CTBP2: variants seen among roughly 807,000 people sequenced by gnomAD.
The protein encoded by CTBP2 is C-terminal-binding protein 2.
In CTBP2, 30 loss-of-function variants were observed where a neutral mutation model predicts 80.3. The ratio of observed to expected loss-of-function variants is 0.37; its 90% CI spans 0.28 to 0.51. The LOEUF is 0.51. Ranked by LOEUF, CTBP2 falls within the 20% of genes least tolerant of loss-of-function variation. CTBP2 has a pLI of 0.93. For synonymous variants in CTBP2, 594 were observed against 587.4 expected (o/e 1.01, Z -0.16); for missense variants, 1,212 against 1,375.3 (o/e 0.88, Z 1.88).
At chr10:125,138,149 T>C (rs1228509329) in intron 1 of CTBP2, 3 of 152,192 alleles carry the variant, frequency 2.0e-5, no homozygotes, top group Admixed American at 2.0e-4. Context: ...AGGTTGCTGA[T>C]AGGTCCCGGT....
At chr10:125,089,011 G>A (rs1284868678) in intron 2 of CTBP2, among the ~76,000 whole-genome samples, 1 of 152,176 alleles carries the variant, frequency 6.6e-6, no homozygotes, top group African/African-American at 2.4e-5. Flanking sequence ...AAATTCGGTT[G>A]CGAAGATATA....
intron 2 of CTBP2, among the ~76,000 whole-genome samples, chr10:125,042,961 A>C (rs1229339874): frequency 1.3e-5 from 2 of 152,194 alleles, no homozygotes; most frequent in East Asian, 1.9e-4. Context: ...AAGATCAGAA[A>C]CGTGGACCTT....
At chr10:125,158,214 A>G (rs1485252818) in intron 1 of CTBP2, among the ~76,000 whole-genome samples, 1 of 152,168 alleles carries the variant, frequency 6.6e-6, no homozygotes, top group Non-Finnish European at 1.5e-5. Flanking sequence ...CATGAAAACT[A>G]CCCACTTCTA....
chr10:125,101,011 A>G (rs1227728821), intron 2 of CTBP2, among the ~76,000 whole-genome samples: 1 of 152,226 alleles, frequency 6.6e-6, no homozygotes, highest in African/African-American at 2.4e-5. Context: ...GTAATGTGAT[A>G]TTACATCATT....
intron 1 of CTBP2, among the ~76,000 whole-genome samples, chr10:125,149,323 G>A (rs1381954168): frequency 6.6e-6 from 1 of 152,216 alleles, no homozygotes; most frequent in Non-Finnish European, 1.5e-5. Context: ...AAAGGAGAGG[G>A]CTGGCCCAGG....
upstream of CTBP2, among the ~76,000 whole-genome samples, chr10:125,032,589 G>A (rs867694756): frequency 1.8e-4 from 27 of 152,222 alleles, no homozygotes; most frequent in African/African-American, 6.5e-4. Flanking sequence ...TGTGCCTGTA[G>A]AGACAGGCCA....
At chr10:125,051,565 AG>A (rs970770621) in intron 2 of CTBP2, among the ~76,000 whole-genome samples, 16 of 151,968 alleles carry the variant, frequency 1.1e-4, no homozygotes, top group African/African-American at 3.9e-4. Context: ...GCTTGAACCC[AG>A]GGGACAGAGC....
chr10:125,078,246 C>T (rs922109346), intron 2 of CTBP2, among the ~76,000 whole-genome samples: 1 of 148,492 alleles, frequency 6.7e-6, no homozygotes, highest in Non-Finnish European at 1.5e-5. Flanking sequence ...CGCCTCTGCA[C>T]TCCAGCCTGG....
chr10:125,108,376 C>T (rs1161683857), intron 2 of CTBP2, among the ~76,000 whole-genome samples: 1 of 152,240 alleles, frequency 6.6e-6, no homozygotes, highest in African/African-American at 2.4e-5. Flanking sequence ...TAGGGCCTCA[C>T]GGATTCACCA....
chr10:125,008,481 G>C (rs1208013321), intron 1 of CTBP2, among the ~76,000 whole-genome samples: 5 of 152,266 alleles, frequency 3.3e-5, no homozygotes, highest in African/African-American at 1.2e-4. Flanking sequence ...CAGAGTCACA[G>C]TAGTGGCCTT....
intron 6 of CTBP2, 69 bp from the exon 9 acceptor site, chr10:124,993,398 AG>A: frequency 6.5e-7 from 1 of 1,536,288 alleles, no homozygotes; most frequent in Non-Finnish European, 8.9e-7. Flanking sequence ...CCTCAGCACA[AG>A]GGAGCTCTTG....
At chr10:125,031,938 T>C (rs1470787304), upstream of CTBP2, among the ~76,000 whole-genome samples, 5 of 152,152 alleles carry the variant, frequency 3.3e-5, no homozygotes, top group African/African-American at 1.2e-4. Flanking sequence ...TATTTAGCCA[T>C]GGTAAGTGAA....
At chr10:125,114,495 T>C (rs1179600272) in intron 1 of CTBP2, among the ~76,000 whole-genome samples, 3 of 152,088 alleles carry the variant, frequency 2.0e-5, no homozygotes, top group African/African-American at 7.2e-5. Flanking sequence ...CAACTGAGGC[T>C]GCAGTACCTA....
chr10:125,066,823 C>A lies in CTBP2; in HGVS notation c.-101-27668G>T, dbSNP rs1328064523. ...TAGCCCATGTGTCGATCAGTAAATG[C>A]CTCAGGGTGAACTCGAGAATCCAGA... On this transcript the variant is annotated intron_variant, in intron 2 of 10. Coordinates refer to the CTBP2 transcript ENST00000337195. The surrounding 1 kb of genome is among the most constrained non-coding windows in gnomAD (Gnocchi z 4.1). 2.0e-5 allele frequency among the ~76,000 whole-genome samples: 3 copies of A among 152,174 alleles called. No homozygotes were observed. In the East Asian group the frequency reaches 5.8e-4, roughly 29 times the overall value.
At chr10:125,138,704 C>T (rs963719141) in intron 1 of CTBP2, among the ~76,000 whole-genome samples, 1 of 151,842 alleles carries the variant, frequency 6.6e-6, no homozygotes, top group Non-Finnish European at 1.5e-5. Context: ...AACCACTACC[C>T]GAATAAATGT....
At chr10:124,998,199 T>C in intron 3 of CTBP2, 29 bp from the exon 6 acceptor site, 2 of 1,575,944 alleles carry the variant, frequency 1.3e-6, no homozygotes, top group South Asian at 1.2e-5. Flanking sequence ...AGGCCGGAGA[T>C]GAGAAAACCT....
At chr10:125,012,196 C>G (rs1956003363) in intron 1 of CTBP2, among the ~76,000 whole-genome samples, 1 of 152,238 alleles carries the variant, frequency 6.6e-6, no homozygotes, top group African/African-American at 2.4e-5. Flanking sequence ...GTGGCCCAGC[C>G]TCACATGGGT....
intron 2 of CTBP2, among the ~76,000 whole-genome samples, chr10:125,065,874 C>A (rs755999611): frequency 5.9e-5 from 9 of 152,110 alleles, no homozygotes; most frequent in Middle Eastern, 3.4e-3. Flanking sequence ...CTGAGGTGGG[C>A]GGATAGCTTG....
intron 2 of CTBP2, among the ~76,000 whole-genome samples, chr10:125,084,988 C>A (rs1847766778): frequency 6.6e-6 from 1 of 152,216 alleles, no homozygotes; most frequent in African/African-American, 2.4e-5. Flanking sequence ...GCAAACAAAG[C>A]CCTCTCCTTA....
Sources: allele counts gnomAD v4.1 joint callset (sites outside exome capture counted in the v4.1 genomes callset), GRCh38; gene constraint gnomAD v4.1.1; non-coding constraint Gnocchi (gnomAD v3.1); transcripts MANE v1.5; gene names NCBI Gene and HGNC (gene_info 2026-07-23, HGNC 2026-07-21).